CHN2: variants seen among roughly 807,000 people sequenced by gnomAD.
CHN2 encodes beta-chimaerin.
CHN2 carries 35 observed loss-of-function variants against 56.3 expected under a neutral mutation model. The observed-to-expected ratio is 0.62, with a 90% confidence interval of 0.47 to 0.82. CHN2 has a LOEUF of 0.82. CHN2 is among the 40% of genes least tolerant of loss of function. The probability of loss-of-function intolerance (pLI) is 0.00; values close to 1 mark genes in which losing one functional copy is unlikely to be tolerated. For synonymous variants in CHN2, 210 were observed against 212.8 expected (o/e 0.99, Z 0.12); for missense variants, 491 against 580.5 (o/e 0.85, Z 1.58).
At chr7:29,252,684 T>C (rs1290890825) in intron 1 of CHN2, among the ~76,000 whole-genome samples, 2 of 106,058 alleles carry the variant, frequency 1.9e-5, no homozygotes, top group South Asian at 2.9e-4. Flanking sequence ...CAAGCTCCGC[T>C]TCCCGGGTTC....
At chr7:29,324,645 A>G (rs534597738) in intron 1 of CHN2, among the ~76,000 whole-genome samples, 1 of 149,808 alleles carries the variant, frequency 6.7e-6, no homozygotes, top group South Asian at 2.1e-4. Flanking sequence ...AGTTACATCT[A>G]TCTCTCAACT....
intron 6 of CHN2, among the ~76,000 whole-genome samples, chr7:29,451,199 G>A (rs1263908957): frequency 1.3e-5 from 2 of 152,200 alleles, no homozygotes; most frequent in African/African-American, 4.8e-5. Context: ...TTACTGGACT[G>A]GGGTTGGAAG....
chr7:29,361,041 C>T (rs185669619), intron 2 of CHN2, among the ~76,000 whole-genome samples: 108 of 152,294 alleles, frequency 7.1e-4, no homozygotes, highest in African/African-American at 2.6e-3. Context: ...CTCTGGTGTG[C>T]GGCAGAGGGC....
At chr7:29,214,589 A>C (rs973673526) in intron 1 of CHN2, among the ~76,000 whole-genome samples, 3 of 152,068 alleles carry the variant, frequency 2.0e-5, no homozygotes, top group Non-Finnish European at 4.4e-5. Flanking sequence ...CCTAATCTTC[A>C]CCAACAGTTT....
intron 2 of CHN2, among the ~76,000 whole-genome samples, chr7:29,171,694 T>A (rs1796627969): frequency 6.6e-6 from 1 of 152,186 alleles, no homozygotes; most frequent in African/African-American, 2.4e-5. Flanking sequence ...GCAGGCTAAA[T>A]CCAAGCATAT....
upstream of CHN2, chr7:29,191,843 A>C (rs1267023790): frequency 6.6e-6 from 1 of 152,248 alleles, no homozygotes; most frequent in African/African-American, 2.4e-5. Flanking sequence ...TAGAAGGTCC[A>C]CAAACAGGTC....
At chr7:29,271,577 C>A (rs1790646157) in intron 1 of CHN2, among the ~76,000 whole-genome samples, 1 of 152,156 alleles carries the variant, frequency 6.6e-6, no homozygotes, top group Admixed American at 6.5e-5. Context: ...GGTAGGAAAT[C>A]AGGTGCTTGC....
chr7:29,381,071 A>G (rs960528094), intron 3 of CHN2, among the ~76,000 whole-genome samples: 8 of 152,294 alleles, frequency 5.3e-5, no homozygotes, highest in African/African-American at 1.9e-4. Flanking sequence ...AGATGTGAAG[A>G]TAACATTTAT....
At chr7:29,459,841 T>C (rs1439654587) in intron 6 of CHN2, among the ~76,000 whole-genome samples, 1 of 152,126 alleles carries the variant, frequency 6.6e-6, no homozygotes, top group African/African-American at 2.4e-5. Flanking sequence ...AAAGCTTGTC[T>C]ATCGTTACCA....
chr7:29,264,471 A>G (rs188013237), intron 1 of CHN2, among the ~76,000 whole-genome samples: 26 of 152,356 alleles, frequency 1.7e-4, no homozygotes, highest in Non-Finnish European at 3.2e-4. Context: ...GTACTAGGAA[A>G]AATTCTTCTG....
chr7:29,146,973 C>T (rs1389428155), intron 2 of CHN2: 1 of 1,550,892 alleles, frequency 6.4e-7, no homozygotes, highest in Admixed American at 2.0e-5. Context: ...AAGCTCGCAC[C>T]AAGTGCCACT....
chr7:29,268,550 G>A (rs542803008), intron 1 of CHN2, among the ~76,000 whole-genome samples: 3 of 144,708 alleles, frequency 2.1e-5, no homozygotes, highest in South Asian at 4.2e-4. Context: ...TGGAATGCAC[G>A]GATGCTTCTG....
chr7:29,317,579 C>T (rs967225365), intron 1 of CHN2, among the ~76,000 whole-genome samples: 1 of 152,150 alleles, frequency 6.6e-6, no homozygotes, highest in East Asian at 1.9e-4. Context: ...GAAGCACTGC[C>T]CCAGAGTTGC....
At chr7:29,268,083 C>A (rs773275327) in intron 1 of CHN2, among the ~76,000 whole-genome samples, 2 of 151,954 alleles carry the variant, frequency 1.3e-5, no homozygotes, top group Non-Finnish European at 2.9e-5. Flanking sequence ...GGACAGAAGT[C>A]CTTTTGAGTA....
At chr7:29,444,366 G>A (rs1585413963) in intron 6 of CHN2, among the ~76,000 whole-genome samples, 1 of 152,160 alleles carries the variant, frequency 6.6e-6, no homozygotes, top group East Asian at 1.9e-4. Flanking sequence ...GTTGGCCAGG[G>A]CTTTCAGAGA....
intron 1 of CHN2, among the ~76,000 whole-genome samples, chr7:29,268,321 C>CACACACACACACAA (rs1790322079): frequency 6.6e-6 from 1 of 151,608 alleles, no homozygotes; most frequent in East Asian, 1.9e-4. Context: ...CACACACACA[C>CACACACACACACAA]AATGTCCTTC....
intron 6 of CHN2, among the ~76,000 whole-genome samples, chr7:29,462,796 G>A (rs1785259201): frequency 6.6e-6 from 1 of 151,976 alleles, no homozygotes; most frequent in Non-Finnish European, 1.5e-5. Context: ...TTAAGTTTTA[G>A]GGTATATGTG....
intron 1 of CHN2, among the ~76,000 whole-genome samples, chr7:29,237,817 AGT>A (rs1486008960): frequency 1.3e-5 from 2 of 152,134 alleles, no homozygotes; most frequent in African/African-American, 4.8e-5. Flanking sequence ...ATGCTTGCAG[AGT>A]GGACAGCTCT....
At chr7:29,160,877 T>G (rs930096462) in intron 2 of CHN2, among the ~76,000 whole-genome samples, 1 of 152,194 alleles carries the variant, frequency 6.6e-6, no homozygotes, top group Non-Finnish European at 1.5e-5. Context: ...GTTGATAGTC[T>G]TTTCTATTTT....
Sources: allele counts gnomAD v4.1 joint callset (sites outside exome capture counted in the v4.1 genomes callset), GRCh38; gene constraint gnomAD v4.1.1; transcripts MANE v1.5; gene names NCBI Gene and HGNC (gene_info 2026-07-23, HGNC 2026-07-21).